Variants in NSRP1 observed in about 807,000 individuals in gnomAD.
NSRP1 encodes coiled-coil domain containing 55.
A neutral mutation model predicts 54.7 loss-of-function variants in NSRP1; 24 were observed. The observed-to-expected ratio is 0.44, with a 90% CI of 0.32 to 0.62. The LOEUF is 0.62. Ranked by LOEUF, NSRP1 falls within the 20% of genes least tolerant of loss-of-function variation. The pLI is 0.06. For missense variants in NSRP1, 596 were observed against 651.2 expected (o/e 0.92, Z 0.92); for synonymous variants, 210 against 213.8 (o/e 0.98, Z 0.15).
At chr17:30,160,834 A>G (rs1376021338) in intron 2 of NSRP1, among the ~76,000 whole-genome samples, 4 of 152,198 alleles carry the variant, frequency 2.6e-5, no homozygotes, top group Admixed American at 6.5e-5. Flanking sequence ...GAGATTTGTT[A>G]TACATTATGA....
intron 2 of NSRP1, among the ~76,000 whole-genome samples, chr17:30,131,548 T>TA (rs58511161): frequency 0.97 from 147,853 of 152,094 alleles, 71,895 homozygotes; most frequent in East Asian, 1. Context: ...GCATTATAGC[T>TA]AAAAAAATGC....
chr17:30,130,358 C>CA (rs2071688900), intron 2 of NSRP1, among the ~76,000 whole-genome samples: 1 of 152,140 alleles, frequency 6.6e-6, no homozygotes, highest in South Asian at 2.1e-4. Flanking sequence ...CTCAGCCTCT[C>CA]AAAGTACTGG....
At chr17:30,184,219 A>C (rs929201910) in intron 6 of NSRP1, among the ~76,000 whole-genome samples, 5 of 152,186 alleles carry the variant, frequency 3.3e-5, no homozygotes, top group African/African-American at 9.7e-5. Context: ...GAAAGGAAAC[A>C]ACAAATCCAA....
intron 2 of NSRP1, among the ~76,000 whole-genome samples, chr17:30,149,667 C>CA (rs957542338): frequency 1.5e-4 from 22 of 151,368 alleles, no homozygotes; most frequent in Admixed American, 4.6e-4. Context: ...CCTGTCTCTG[C>CA]AAAAAATTTT....
At chr17:30,160,181 G>A (rs1262425764) in intron 2 of NSRP1, among the ~76,000 whole-genome samples, 1 of 152,128 alleles carries the variant, frequency 6.6e-6, no homozygotes, top group Non-Finnish European at 1.5e-5. Context: ...TCCTTTTGAT[G>A]TACTGTTGGA....
At chr17:30,124,711 G>T (rs1448246222) in intron 2 of NSRP1, among the ~76,000 whole-genome samples, 2 of 152,204 alleles carry the variant, frequency 1.3e-5, no homozygotes, top group Admixed American at 1.3e-4. Flanking sequence ...ACATTTGGGA[G>T]ATTCAGTCTT....
At chr17:30,182,048 CTTTTTTT>C (rs10549815) in intron 6 of NSRP1, among the ~76,000 whole-genome samples, 1 of 98,326 alleles carries the variant, frequency 1.0e-5, no homozygotes, top group Non-Finnish European at 2.0e-5. Context: ...CACCTGGCTG[CTTTTTTT>C]TTTTTTTTTT....
At chr17:30,176,617 C>G (rs979011189) in intron 3 of NSRP1, among the ~76,000 whole-genome samples, 5 of 120,116 alleles carry the variant, frequency 4.2e-5, no homozygotes, top group East Asian at 4.4e-4. Context: ...CCCCCCCCCC[C>G]CAAAAAAAAA....
At chr17:30,159,909 G>T (rs978874443) in intron 2 of NSRP1, among the ~76,000 whole-genome samples, 1 of 152,068 alleles carries the variant, frequency 6.6e-6, no homozygotes, top group African/African-American at 2.4e-5. Context: ...TGATCTGCTC[G>T]CCTTGGCCTC....
At chr17:30,168,941 A>G (rs1904832035) in intron 2 of NSRP1, 1 of 152,058 alleles carries the variant, frequency 6.6e-6, no homozygotes, top group African/African-American at 2.4e-5. Context: ...GTTCAGAGTT[A>G]TCCACTGATG....
chr17:30,177,007 G>C (rs1388886295), intron 3 of NSRP1, among the ~76,000 whole-genome samples: 1 of 152,112 alleles, frequency 6.6e-6, no homozygotes, highest in Non-Finnish European at 1.5e-5. Flanking sequence ...AAAAATCAAA[G>C]TGTGTAGACT....
chr17:30,171,972 A>ACACACACACCCCCTCTCTCT (rs1169988659), intron 2 of NSRP1, among the ~76,000 whole-genome samples: 1 of 46,588 alleles, frequency 2.1e-5, no homozygotes, highest in African/African-American at 6.2e-5. Flanking sequence ...ACACACACAC[A>ACACACACACCCCCTCTCTCT]CTCCCTCTCT....
intron 6 of NSRP1, 136 bp downstream of exon 6, chr17:30,181,152 A>G (rs1425807279): frequency 1.6e-6 from 1 of 626,014 alleles, no homozygotes; most frequent in East Asian, 2.9e-5. Flanking sequence ...ACCTAACTGA[A>G]TGAATGGCTA....
intron 1 of NSRP1, 104 bp downstream of exon 1, chr17:30,116,967 C>A: frequency 7.2e-7 from 1 of 1,379,580 alleles, no homozygotes; most frequent in South Asian, 1.2e-5. Flanking sequence ...GGGACTGTGT[C>A]GTCAAGGGTA....
intron 2 of NSRP1, among the ~76,000 whole-genome samples, chr17:30,154,897 G>A (rs1567799065): frequency 6.6e-6 from 1 of 152,080 alleles, no homozygotes; most frequent in Non-Finnish European, 1.5e-5. Context: ...TTAGATTTGG[G>A]ATTGTTGGAT....
At chr17:30,143,658 G>A (rs1264895048) in intron 2 of NSRP1, among the ~76,000 whole-genome samples, 1 of 152,166 alleles carries the variant, frequency 6.6e-6, no homozygotes, top group Non-Finnish European at 1.5e-5. Flanking sequence ...GTTTCTAACT[G>A]AAACAAACTT....
chr17:30,185,650 C>T lies in NSRP1; in HGVS notation c.1653C>T (p.Thr551=), dbSNP rs757632829. Residue 551 remains threonine (T), a synonymous_variant, in exon 7 of 7, where the codon ACC becomes ACT. Transcript: ENST00000247026. ...AGATGGCGCGGGTTAATGCAAAGACCTATATTGAGAAAGAAGATGATTGAT... is the reference window on the plus strand; with the variant it reads ...AGATGGCGCGGGTTAATGCAAAGACTTATATTGAGAAAGAAGATGATTGAT... The part of the protein sequence containing the change: ...ARQMARVNAK[T]YIEKEDD The T allele has an allele frequency of 1.9e-6, 3 of 1,585,036 alleles. No homozygotes were observed. Among genetic ancestry groups the T allele is most frequent in the Non-Finnish European group, 2.6e-6 (3 of 1,169,980 alleles).
At chr17:30,129,417 TA>T (rs567721879) in intron 2 of NSRP1, among the ~76,000 whole-genome samples, 42 of 145,600 alleles carry the variant, frequency 2.9e-4, no homozygotes, top group East Asian at 9.9e-4. Flanking sequence ...AGTGAGTGCT[TA>T]AAAAAAAAAA....
chr17:30,122,351 T>TTATATA (rs1567788455), intron 2 of NSRP1: 1 of 48,312 alleles, frequency 2.1e-5, no homozygotes, highest in Non-Finnish European at 3.7e-5. Flanking sequence ...AACTCTGGTT[T>TTATATA]CATATATATA....
Sources: allele counts gnomAD v4.1 joint callset (sites outside exome capture counted in the v4.1 genomes callset), GRCh38; gene constraint gnomAD v4.1.1; transcripts MANE v1.5; gene names NCBI Gene and HGNC (gene_info 2026-07-23, HGNC 2026-07-21).